Variants in ERBIN observed in about 807,000 individuals in gnomAD.
ERBIN encodes the protein densin-180-like protein.
A neutral mutation model predicts 158.4 loss-of-function variants in ERBIN; 60 were observed. The observed-to-expected ratio is 0.38, with a 90% CI of 0.31 to 0.47. The LOEUF (loss-of-function observed/expected upper bound fraction) is 0.47. Among genes scored for constraint, ERBIN ranks in the 20% least tolerant of loss-of-function variants. The pLI, the probability that ERBIN is intolerant of heterozygous loss-of-function variation, is 0.99. For missense variants in ERBIN, 1,610 were observed against 1,648.0 expected (o/e 0.98, Z 0.40); for synonymous variants, 594 against 557.2 (o/e 1.07, Z -0.93).
chr5:65,970,789 G>A (rs542525852), intron 1 of ERBIN, among the ~76,000 whole-genome samples: 1 of 152,152 alleles, frequency 6.6e-6, no homozygotes, highest in East Asian at 1.9e-4. Context: ...GAGACAGGGT[G>A]TTGTTGTGTT....
At chr5:66,005,818 C>T (rs1055532954) in intron 4 of ERBIN, among the ~76,000 whole-genome samples, 5 of 152,114 alleles carry the variant, frequency 3.3e-5, no homozygotes, top group Non-Finnish European at 5.9e-5. Context: ...GAATAAAATA[C>T]CTAGGAATCC....
intron 1 of ERBIN, among the ~76,000 whole-genome samples, chr5:65,928,060 C>T (rs577141315): frequency 6.6e-6 from 1 of 151,998 alleles, no homozygotes; most frequent in African/African-American, 2.4e-5. Flanking sequence ...ACCGGAAACC[C>T]GAGGAGAGAG....
intron 14 of ERBIN, among the ~76,000 whole-genome samples, chr5:66,030,946 T>C (rs1178118845): frequency 1.3e-5 from 2 of 152,216 alleles, no homozygotes; most frequent in African/African-American, 4.8e-5. Context: ...ATTAACCAAG[T>C]ATCTGCTACG....
intron 8 of ERBIN, chr5:66,022,808 A>C (rs1321013716): frequency 6.6e-6 from 1 of 152,584 alleles, no homozygotes; most frequent in African/African-American, 2.4e-5. Context: ...CCTTTCCCTG[A>C]TTATGGACAT....
intron 10 of ERBIN, 57 bp downstream of exon 10, chr5:66,024,507 C>A: frequency 6.7e-7 from 1 of 1,496,312 alleles, no homozygotes; most frequent in Admixed American, 2.3e-5. Context: ...GAGACTTCCA[C>A]ATAATCTCAA....
chr5:65,949,962 A>G (rs1746297145), intron 1 of ERBIN, among the ~76,000 whole-genome samples: 1 of 151,992 alleles, frequency 6.6e-6, no homozygotes, highest in Non-Finnish European at 1.5e-5. Flanking sequence ...GTGAGCCACT[A>G]CAGTATGCAG....
At chr5:66,055,023 A>T (rs954230814) in intron 21 of ERBIN, 72 bp downstream of exon 21, 5 of 1,448,686 alleles carry the variant, frequency 3.5e-6, no homozygotes, top group African/African-American at 1.4e-5. Flanking sequence ...ATGAAACAAG[A>T]TTCTCTGAAT....
At chr5:65,958,861 A>G (rs1315069041) in intron 1 of ERBIN, among the ~76,000 whole-genome samples, 1 of 152,188 alleles carries the variant, frequency 6.6e-6, no homozygotes, top group African/African-American at 2.4e-5. Context: ...GCCCAACTGC[A>G]GGGTAATGTA....
chr5:65,940,661 G>A (rs1397476627), intron 1 of ERBIN, among the ~76,000 whole-genome samples: 9 of 119,980 alleles, frequency 7.5e-5, no homozygotes, highest in South Asian at 2.6e-4. Context: ...TCAGCCCCCC[G>A]CCCGGCCAGC....
In ERBIN at chr5:65,992,818, T is replaced by G. The variant is rs772938262; in HGVS notation, c.100T>G (p.Leu34Val). 3.1e-6 allele frequency: 5 copies of G among 1,613,682 alleles called. No individual in the cohort carries two copies. Among genetic ancestry groups the G allele is most frequent in the Non-Finnish European group, 3.4e-6 (4 of 1,179,722 alleles). Residue 34 changes from leucine to valine, a missense_variant, in exon 3 of 26, where the codon TTA becomes GTA. Around this residue, in one of 2 missense-constraint regions of ERBIN, gnomAD observed 596 missense variants for 711.9 expected, o/e 0.84. Transcript: ENST00000284037. Reference protein sequence around the residue: ...VTTLDYSHCSLEQVPKEIFTF... With the variant: ...VTTLDYSHCSVEQVPKEIFTF... ...TACTCTTGATTATTCTCATTGCAGC[T>G]TAGAACAAGTTCCGAAAGAGATTTT...
intron 20 of ERBIN, among the ~76,000 whole-genome samples, chr5:66,052,720 C>G (rs1759170011): frequency 6.6e-6 from 1 of 152,108 alleles, no homozygotes; most frequent in South Asian, 2.1e-4. Context: ...CTTAATATCA[C>G]AGGTAGAAAT....
At chr5:65,977,731 C>T (rs1314237282) in intron 1 of ERBIN, among the ~76,000 whole-genome samples, 6 of 151,214 alleles carry the variant, frequency 4.0e-5, no homozygotes, top group East Asian at 2.0e-4. Context: ...CAGGCGGAGA[C>T]GCTCCTCACT....
Position 66,082,077 on chromosome 5 carries a change from C to T in ERBIN, c.*3547C>T, listed in dbSNP as rs1762410484. Reference sequence around the variant, plus strand: ...AGTAGTCATTTAGTTTTGGAAAGTTCTTAAGAGAATGCTATCTTCTACAGT... The same window carrying T: ...AGTAGTCATTTAGTTTTGGAAAGTTTTTAAGAGAATGCTATCTTCTACAGT... On this transcript the variant is annotated 3_prime_UTR_variant, in exon 26 of 26. Transcript: ENST00000284037. 6.6e-6 allele frequency: 1 copy of T among 152,012 alleles called. No individual in the cohort carries two copies. Among genetic ancestry groups the T allele is most frequent in the African/African-American group, 2.4e-5 (1 of 41,392 alleles). 9.4% of individuals were successfully genotyped at this position (152,012 alleles called of 1,614,324 possible). A position where few individuals can be genotyped will look rare whatever the true frequency, so the allele number is the denominator to read the frequency against.
intron 1 of ERBIN, among the ~76,000 whole-genome samples, chr5:65,970,761 T>C (rs180919009): frequency 6.6e-6 from 1 of 152,062 alleles, no homozygotes; most frequent in African/African-American, 2.4e-5. Flanking sequence ...GCTAATTTTA[T>C]TTTTATTTTT....
chr5:66,049,204 G>A (rs1194363016), intron 19 of ERBIN, among the ~76,000 whole-genome samples: 2 of 152,010 alleles, frequency 1.3e-5, no homozygotes, highest in Admixed American at 1.3e-4. Context: ...TTTATTGATT[G>A]TATCACAAAA....
chr5:66,079,391 A>G lies in ERBIN; in HGVS notation c.*861A>G, dbSNP rs1197521589. 1 of 150,686 alleles carries G rather than the reference A, an allele frequency of 6.6e-6. No individual in the cohort carries two copies. Among genetic ancestry groups the G allele is most frequent in the Non-Finnish European group, 1.5e-5 (1 of 67,728 alleles). 9.3% of individuals were successfully genotyped at this position (150,686 alleles called of 1,614,324 possible). A position where few individuals can be genotyped will look rare whatever the true frequency, so the allele number is the denominator to read the frequency against. On this transcript the variant is annotated 3_prime_UTR_variant, in exon 26 of 26. Coordinates refer to ENST00000284037, the MANE Select transcript of ERBIN (RefSeq NM_001253697.2). ...CCACTGATTTTTTTTTTTTTTTCAAATGGTGGTACTTGCAATCTGTTTTAT... is the reference window on the plus strand; with the variant it reads ...CCACTGATTTTTTTTTTTTTTTCAAGTGGTGGTACTTGCAATCTGTTTTAT...
intron 4 of ERBIN, among the ~76,000 whole-genome samples, chr5:66,010,033 G>A (rs1296143131): frequency 6.6e-6 from 1 of 152,136 alleles, no homozygotes; most frequent in African/African-American, 2.4e-5. Flanking sequence ...GGGTATATCA[G>A]TTTGCATTCT....
In ERBIN at chr5:66,053,671, A is replaced by G. The variant is rs372128063; in HGVS notation, c.2353A>G (p.Lys785Glu). The G allele has an allele frequency of 1.3e-5, 21 of 1,613,934 alleles. No homozygotes were observed. The highest frequency in any genetic ancestry group is 3.3e-5 in the Admixed American group (2 of 59,970). The change falls in exon 21 of 26, where the codon AAA (lysine) becomes GAA (glutamate). Residue 785 changes from lysine to glutamate, a missense_variant. By Grantham distance (56) the Lys-to-Glu change is moderately conservative. This residue lies in a region of ERBIN where 1,014 missense variants were observed against 936.1 expected (regional missense o/e 1.08). Transcript: ENST00000284037. The part of the protein sequence containing the change: ...TFQPEIMERS[K>E]TQDIVLGTSF... Reference sequence around the variant, plus strand: ...TCAACCAGAGATCATGGAAAGATCAAAAACACAGGATATTGTGCTTGGAAC... The same window carrying G: ...TCAACCAGAGATCATGGAAAGATCAGAAACACAGGATATTGTGCTTGGAAC...
intron 1 of ERBIN, among the ~76,000 whole-genome samples, chr5:65,955,850 A>G (rs1032998867): frequency 6.6e-6 from 1 of 152,238 alleles, no homozygotes; most frequent in South Asian, 2.1e-4. Flanking sequence ...ATAATTTGTA[A>G]GTTTGAAATT....
Sources: gnomAD v4.1 joint callset for allele counts (sites outside exome capture counted in the v4.1 genomes callset) on GRCh38, gnomAD v4.1.1 for gene constraint, gnomAD v4.1.1 regional missense constraint, MANE v1.5 for transcripts, NCBI Gene and HGNC (gene_info 2026-07-23, HGNC 2026-07-21) for gene names.